Variants in TBCEL observed in about 807,000 individuals in gnomAD.
TBCEL encodes the protein tubulin folding cofactor E like, also known as tubulin-specific chaperone cofactor E-like protein.
In TBCEL, 15 loss-of-function variants were observed where a neutral mutation model predicts 44.2. That is an observed-to-expected ratio of 0.34 (90% CI 0.23 to 0.52). The LOEUF is 0.52. Ranked by LOEUF, TBCEL falls within the 20% of genes least tolerant of loss-of-function variation. TBCEL has a pLI of 0.95. For synonymous variants in TBCEL, 171 were observed against 185.4 expected (o/e 0.92, Z 0.63); for missense variants, 319 against 506.3 (o/e 0.63, Z 3.55).
chr11:121,059,593 G>A (rs1255796548), intron 7 of TBCEL, among the ~76,000 whole-genome samples: 13 of 151,910 alleles, frequency 8.6e-5, no homozygotes, highest in Admixed American at 8.5e-4. Flanking sequence ...GATACATTGG[G>A]TTAAGTGAAA....
intron 1 of TBCEL, among the ~76,000 whole-genome samples, chr11:121,030,161 A>T (rs1326948843): frequency 6.6e-6 from 1 of 152,192 alleles, no homozygotes; most frequent in Non-Finnish European, 1.5e-5. Flanking sequence ...AGAGACAGGA[A>T]AAGGGCAATC....
chr11:121,056,166 C>T (rs1168141559), intron 6 of TBCEL, among the ~76,000 whole-genome samples: 1 of 151,854 alleles, frequency 6.6e-6, no homozygotes, highest in Non-Finnish European at 1.5e-5. Context: ...CCGGCAACCA[C>T]TCATCTTTTT....
At chr11:121,081,330 C>A (rs964597344) in intron 8 of TBCEL, among the ~76,000 whole-genome samples, 1 of 152,158 alleles carries the variant, frequency 6.6e-6, no homozygotes, top group Non-Finnish European at 1.5e-5. Flanking sequence ...AACACAAATA[C>A]GGCGTACTTT....
At chr11:121,046,283 T>G (rs1462000249) in intron 3 of TBCEL, among the ~76,000 whole-genome samples, 1 of 152,106 alleles carries the variant, frequency 6.6e-6, no homozygotes, top group African/African-American at 2.4e-5. Flanking sequence ...AGCTGTGAGA[T>G]TTTAACTAGT....
In TBCEL at chr11:121,055,294, G is replaced by T. The variant is rs1179016922; in HGVS notation, c.698G>T (p.Ser233Ile). Reference protein sequence around the residue: ...ARLFPNLRSISLHKSGLQSWE... With the variant: ...ARLFPNLRSIILHKSGLQSWE... ...TTGTTTCCTAATCTTCGATCCATCAGCCTCCACAAGTCAGGTGAGGTTCAG... is the reference window on the plus strand; with the variant it reads ...TTGTTTCCTAATCTTCGATCCATCATCCTCCACAAGTCAGGTGAGGTTCAG... Residue 233 changes from serine (S) to isoleucine (I), a missense_variant, in exon 6 of 9, where the codon AGC becomes ATC. Transcript: ENST00000683345. The T allele has an allele frequency of 6.2e-7, 1 of 1,608,554 alleles. No individual in the cohort carries two copies. Among genetic ancestry groups the T allele is most frequent in the Non-Finnish European group, 8.5e-7 (1 of 1,177,170 alleles).
chr11:121,047,803 T>C, intron 4 of TBCEL, 136 bp downstream of exon 4: 1 of 1,076,386 alleles, frequency 9.3e-7, no homozygotes. Flanking sequence ...TATATCTTAT[T>C]GTCTGTATGT....
chr11:121,043,366 C>T (rs941347608), intron 2 of TBCEL, among the ~76,000 whole-genome samples: 11 of 152,038 alleles, frequency 7.2e-5, no homozygotes, highest in Admixed American at 7.2e-4. Context: ...GATAGGATAA[C>T]CACATAAGAA....
At chr11:121,051,123 C>T (rs1045341596) in intron 4 of TBCEL, among the ~76,000 whole-genome samples, 13 of 151,400 alleles carry the variant, frequency 8.6e-5, no homozygotes, top group Non-Finnish European at 1.6e-4. Context: ...TGTTATTTTT[C>T]CTGCTTGAAT....
chr11:121,061,406 T>C (rs1337048802), intron 8 of TBCEL, among the ~76,000 whole-genome samples: 3 of 151,974 alleles, frequency 2.0e-5, no homozygotes, highest in African/African-American at 7.2e-5. Flanking sequence ...TATATATACA[T>C]GTACATACAT....
chr11:121,049,712 GT>G (rs1296958966), intron 4 of TBCEL, among the ~76,000 whole-genome samples: 5 of 151,736 alleles, frequency 3.3e-5, no homozygotes, highest in African/African-American at 4.8e-5. Context: ...TTTTACAAAG[GT>G]TTTGTGCCTG....
chr11:121,073,052 T>C (rs934788216), intron 8 of TBCEL, among the ~76,000 whole-genome samples: 3 of 152,136 alleles, frequency 2.0e-5, no homozygotes, highest in Admixed American at 6.6e-5. Flanking sequence ...TAAATTACTT[T>C]ATATTAAGTC....
At chr11:121,039,738 G>A (rs1413508942) in intron 2 of TBCEL, among the ~76,000 whole-genome samples, 3 of 152,158 alleles carry the variant, frequency 2.0e-5, no homozygotes, top group Non-Finnish European at 4.4e-5. Flanking sequence ...TTACCCAAGT[G>A]GATAGCAAAT....
intron 8 of TBCEL, among the ~76,000 whole-genome samples, chr11:121,075,032 C>T (rs899803100): frequency 6.6e-6 from 1 of 151,834 alleles, no homozygotes; most frequent in Admixed American, 6.6e-5. Flanking sequence ...CTAAAACATA[C>T]ACACACACAC....
intron 1 of TBCEL, among the ~76,000 whole-genome samples, chr11:121,026,540 C>T (rs1035319620): frequency 2.0e-5 from 3 of 152,124 alleles, no homozygotes; most frequent in East Asian, 1.9e-4. Context: ...TTCAAAGACA[C>T]GGTCATCAGG....
chr11:121,079,625 G>A (rs1946088933), intron 8 of TBCEL, among the ~76,000 whole-genome samples: 1 of 152,140 alleles, frequency 6.6e-6, no homozygotes, highest in East Asian at 1.9e-4. Context: ...TGGAATGTTG[G>A]TGACCTTGAG....
rs138313506 is a variant in TBCEL, at chr11:121,029,279, C to G, written c.-126+4988C>G. On this transcript the variant is annotated intron_variant, in intron 1 of 8. Transcript: ENST00000683345. ...GGAGGGAAAAACGATTTAATCCTGG[C>G]ATGTATTCCCACCTCTGCCAAAAGG... 3.9e-3 allele frequency among the ~76,000 whole-genome samples: 594 copies of G among 152,308 alleles called. 5 individuals carry two copies. The highest frequency in any genetic ancestry group is 0.013 in the African/African-American group (555 of 41,552).
intron 8 of TBCEL, among the ~76,000 whole-genome samples, chr11:121,068,042 C>T (rs548616824): frequency 1.3e-5 from 2 of 152,340 alleles, no homozygotes; most frequent in South Asian, 2.1e-4. Flanking sequence ...CTTCTGTACT[C>T]ATCCCCCACA....
chr11:121,024,435 C>G (rs1263117909), intron 1 of TBCEL, 144 bp downstream of exon 1: 1 of 153,326 alleles, frequency 6.5e-6, no homozygotes, highest in Admixed American at 6.6e-5. Flanking sequence ...GGGCCTGTCT[C>G]GAGCAGCTGT....
chr11:121,043,137 C>T (rs1315992276), intron 2 of TBCEL, among the ~76,000 whole-genome samples: 1 of 152,118 alleles, frequency 6.6e-6, no homozygotes, highest in Non-Finnish European at 1.5e-5. Context: ...CCTGATGGCA[C>T]AAAACTATTA....
Sources: gnomAD v4.1 joint callset for allele counts (sites outside exome capture counted in the v4.1 genomes callset) on GRCh38, gnomAD v4.1.1 for gene constraint, MANE v1.5 for transcripts, NCBI Gene and HGNC (gene_info 2026-07-23, HGNC 2026-07-21) for gene names.